Variants in CAMK1D observed in about 807,000 individuals in gnomAD.
CAMK1D encodes the protein calcium/calmodulin-dependent protein kinase type 1D.
In CAMK1D, 9 loss-of-function variants were observed where a neutral mutation model predicts 47.7. The observed-to-expected ratio is 0.19, with a 90% CI of 0.11 to 0.33. The LOEUF (loss-of-function observed/expected upper bound fraction) is 0.33. CAMK1D is among the 10% of genes least tolerant of loss of function. The probability of loss-of-function intolerance (pLI) is 1.00; values close to 1 mark genes in which losing one functional copy is unlikely to be tolerated. For synonymous variants in CAMK1D, 184 were observed against 184.9 expected, an observed-to-expected ratio of 0.99 and a Z score of 0.04; for missense variants, 291 against 488.7, an observed-to-expected ratio of 0.60 and a Z score of 3.81.
intron 1 of CAMK1D, among the ~76,000 whole-genome samples, chr10:12,533,669 C>T (rs1835878173): frequency 6.6e-6 from 1 of 152,106 alleles, no homozygotes; most frequent in South Asian, 2.1e-4. Context: ...ACCCAGGTCA[C>T]TTTATTACTA....
chr10:12,745,776 G>T (rs572399776), intron 3 of CAMK1D, among the ~76,000 whole-genome samples: 12 of 151,808 alleles, frequency 7.9e-5, no homozygotes, highest in Non-Finnish European at 1.3e-4. Flanking sequence ...CTAATTTTTG[G>T]TATTTTTAGT....
chr10:12,708,721 C>A (rs1833822036), intron 3 of CAMK1D, among the ~76,000 whole-genome samples: 1 of 152,088 alleles, frequency 6.6e-6, no homozygotes, highest in South Asian at 2.1e-4. Context: ...GGGCTGTTTT[C>A]TTCTATTCAT....
At chr10:12,731,782 TAGA>T (rs1834896586) in intron 3 of CAMK1D, among the ~76,000 whole-genome samples, 1 of 152,080 alleles carries the variant, frequency 6.6e-6, no homozygotes, top group Admixed American at 6.5e-5. Flanking sequence ...ATCTGGGTGT[TAGA>T]AGGAGTGGGC....
At chr10:12,532,542 G>T (rs1835843438) in intron 1 of CAMK1D, among the ~76,000 whole-genome samples, 1 of 152,194 alleles carries the variant, frequency 6.6e-6, no homozygotes, top group Non-Finnish European at 1.5e-5. Context: ...GCCTCCCAAA[G>T]TGCTGGGATT....
intron 1 of CAMK1D, among the ~76,000 whole-genome samples, chr10:12,524,990 G>T (rs1835571676): frequency 6.6e-6 from 1 of 151,642 alleles, no homozygotes; most frequent in South Asian, 2.1e-4. Context: ...TTTCTAAATG[G>T]TATTTTATTG....
intron 5 of CAMK1D, among the ~76,000 whole-genome samples, chr10:12,789,953 TA>T (rs1308755011): frequency 6.6e-6 from 1 of 152,262 alleles, no homozygotes; most frequent in Non-Finnish European, 1.5e-5. Context: ...CACTTTGCAC[TA>T]ACATATAGTG....
chr10:12,749,443 TAA>T (rs60406640), intron 3 of CAMK1D, among the ~76,000 whole-genome samples: 1,618 of 119,220 alleles, frequency 0.014, 30 homozygotes, highest in African/African-American at 0.043. Context: ...GCTAGAAAGT[TAA>T]AAAAAAAAAA....
chr10:12,812,818 A>G (rs1215807628), intron 6 of CAMK1D, among the ~76,000 whole-genome samples: 2 of 152,140 alleles, frequency 1.3e-5, no homozygotes, highest in African/African-American at 2.4e-5. Flanking sequence ...GGCCCCAAGC[A>G]TGTTCTAGGT....
At chr10:12,512,264 A>G (rs1298348032) in intron 1 of CAMK1D, among the ~76,000 whole-genome samples, 4 of 152,222 alleles carry the variant, frequency 2.6e-5, no homozygotes, top group Non-Finnish European at 1.5e-5. Context: ...CTGTGCTTAC[A>G]CAGGACGTGG....
At chr10:12,447,711 T>A (rs1832961798) in intron 1 of CAMK1D, among the ~76,000 whole-genome samples, 1 of 152,114 alleles carries the variant, frequency 6.6e-6, no homozygotes, top group African/African-American at 2.4e-5. Context: ...CAAAAAAAAA[T>A]ATTGATTTTA....
At chr10:12,660,870 G>C (rs1437654193) in intron 2 of CAMK1D, among the ~76,000 whole-genome samples, 1 of 152,200 alleles carries the variant, frequency 6.6e-6, no homozygotes, top group African/African-American at 2.4e-5. Context: ...ATCCCTTATG[G>C]ATGAAGATCC....
chr10:12,689,618 A>T (rs1287844660), intron 3 of CAMK1D, among the ~76,000 whole-genome samples: 1 of 152,040 alleles, frequency 6.6e-6, no homozygotes. Flanking sequence ...CTCTACTAAA[A>T]ATACAAAATT....
chr10:12,422,437 A>G (rs12241803), intron 1 of CAMK1D, among the ~76,000 whole-genome samples: 5,495 of 152,296 alleles, frequency 0.036, 101 homozygotes, highest in Middle Eastern at 0.048. Flanking sequence ...CAGGCGGCCC[A>G]TGCCTGGGGC....
intron 3 of CAMK1D, among the ~76,000 whole-genome samples, chr10:12,708,332 T>G: frequency 6.7e-6 from 1 of 149,450 alleles, no homozygotes; most frequent in Admixed American, 6.8e-5. Flanking sequence ...GGAGTTTGGG[T>G]GGTGATGGGA....
At chr10:12,440,539 C>T (rs368689933) in intron 1 of CAMK1D, among the ~76,000 whole-genome samples, 3 of 152,280 alleles carry the variant, frequency 2.0e-5, no homozygotes, top group East Asian at 1.9e-4. Flanking sequence ...CCGCCCACCT[C>T]GGCCTCCCAA....
chr10:12,512,956 G>A (rs1835085091), intron 1 of CAMK1D, among the ~76,000 whole-genome samples: 1 of 152,132 alleles, frequency 6.6e-6, no homozygotes, highest in African/African-American at 2.4e-5. Flanking sequence ...CTTTTTCCGA[G>A]CCGAATTAAC....
chr10:12,777,019 C>T (rs1588913554), intron 5 of CAMK1D, among the ~76,000 whole-genome samples: 1 of 152,086 alleles, frequency 6.6e-6, no homozygotes, highest in Non-Finnish European at 1.5e-5. Context: ...TAACTTTTAG[C>T]CAGTAGGCAA....
Position 12,427,700 on chromosome 10 carries a change from GTTTTTTT to G in CAMK1D, c.92+77809_92+77815del, listed in dbSNP as rs768000055. Among the ~76,000 whole-genome samples, 73 of 31,046 alleles carry G rather than the reference GTTTTTTT, an allele frequency of 2.4e-3. 2 individuals are homozygous for G. The highest frequency in any genetic ancestry group is 0.012 in the East Asian group (12 of 1,010). 20.4% of individuals were successfully genotyped at this position (31,046 alleles called of 152,430 possible). A position where few individuals can be genotyped will look rare whatever the true frequency, so the allele number is the denominator to read the frequency against. On this transcript the variant is annotated intron_variant, in intron 1 of 10. Transcript: ENST00000619168. Reference sequence around the variant, plus strand: ...CTTTCCTGGCTTCACTGAACTTACTGTTTTTTTTTTTTTTTTTTTTTTTTTGAGACGG... The same window carrying G: ...CTTTCCTGGCTTCACTGAACTTACTGTTTTTTTTTTTTTTTTTTGAGACGG...
intron 1 of CAMK1D, among the ~76,000 whole-genome samples, chr10:12,446,237 TAGAC>T (rs1470611794): frequency 6.6e-6 from 1 of 152,218 alleles, no homozygotes; most frequent in African/African-American, 2.4e-5. Context: ...GGCTAATCCA[TAGAC>T]AGAGCAGCCC....
Sources: gnomAD v4.1 joint callset for allele counts (sites outside exome capture counted in the v4.1 genomes callset) on GRCh38, gnomAD v4.1.1 for gene constraint, MANE v1.5 for transcripts, NCBI Gene and HGNC (gene_info 2026-07-23, HGNC 2026-07-21) for gene names.